Variants in LTBP1 observed in about 807,000 individuals in gnomAD.
LTBP1 encodes the protein latent-transforming growth factor beta-binding protein 1.
In LTBP1, 129 loss-of-function variants were observed where a neutral mutation model predicts 207.6. The ratio of observed to expected loss-of-function variants is 0.62; its 90% CI spans 0.54 to 0.72. The LOEUF is 0.72. Ranked by LOEUF, LTBP1 falls within the 30% of genes least tolerant of loss-of-function variation. The pLI, the probability that LTBP1 is intolerant of heterozygous loss-of-function variation, is 0.00. For missense variants in LTBP1, 2,281 were observed against 2,217.2 expected (o/e 1.03, Z -0.58); for synonymous variants, 963 against 833.7 (o/e 1.16, Z -2.67).
At chr2:33,177,726 A>G (rs143237713) in intron 5 of LTBP1, among the ~76,000 whole-genome samples, 5 of 152,198 alleles carry the variant, frequency 3.3e-5, no homozygotes, top group African/African-American at 9.7e-5. Context: ...GAATGGCTAT[A>G]TAATTTACCA....
intron 4 of LTBP1, among the ~76,000 whole-genome samples, chr2:33,123,600 C>A (rs748454653): frequency 6.6e-6 from 1 of 152,110 alleles, no homozygotes; most frequent in South Asian, 2.1e-4. Flanking sequence ...TCTTAATATA[C>A]CTTAAGAACA....
Position 33,301,413 on chromosome 2 carries a change from A to G in LTBP1, c.3359-109A>G, listed in dbSNP as rs189825908. On this transcript the variant is annotated intron_variant, in intron 21 of 33. Transcript: ENST00000404816. ...AAAGCGACAATACATGATGGTCATT[A>G]CTTGTATCAACATTGTCTTTCTAGA... 3.1e-5 allele frequency: 40 copies of G among 1,283,184 alleles called. No individual in the cohort carries two copies. The East Asian group carries it at 7.5e-4, about 24-fold the overall frequency. 79.5% of individuals were successfully genotyped at this position (1,283,184 alleles called of 1,614,324 possible). A position where few individuals can be genotyped will look rare whatever the true frequency, so the allele number is the denominator to read the frequency against.
intron 5 of LTBP1, among the ~76,000 whole-genome samples, chr2:33,159,171 C>T (rs542820336): frequency 6.6e-6 from 1 of 152,296 alleles, no homozygotes; most frequent in African/African-American, 2.4e-5. Flanking sequence ...CTACATTTTG[C>T]TTGCTTCCCT....
chr2:33,395,755 G>A (rs2095352442), intron 32 of LTBP1, among the ~76,000 whole-genome samples: 1 of 150,206 alleles, frequency 6.7e-6, no homozygotes, highest in Non-Finnish European at 1.5e-5. Flanking sequence ...TTGCTTTTTG[G>A]TGATCAAGGA....
intron 31 of LTBP1, among the ~76,000 whole-genome samples, chr2:33,388,257 C>A (rs13015373): frequency 0.24 from 36,477 of 151,986 alleles, 5,565 homozygotes; most frequent in Non-Finnish European, 0.33. Context: ...TGGGGCTGAC[C>A]CAGTGTGGAA....
intron 24 of LTBP1, among the ~76,000 whole-genome samples, chr2:33,334,239 A>G (rs2094529363): frequency 6.6e-6 from 1 of 152,240 alleles, no homozygotes; most frequent in Admixed American, 6.5e-5. Flanking sequence ...GAATGATCCA[A>G]TAGAGAGGGA....
intron 17 of LTBP1, 113 bp downstream of exon 17, chr2:33,275,203 A>G: frequency 1.6e-6 from 2 of 1,285,802 alleles, no homozygotes; most frequent in Non-Finnish European, 2.1e-6. Context: ...TTATTAAACA[A>G]TTATCATGAC....
chr2:33,267,292 C>T (rs975375968), intron 15 of LTBP1, among the ~76,000 whole-genome samples: 2 of 152,178 alleles, frequency 1.3e-5, no homozygotes, highest in African/African-American at 4.8e-5. Context: ...TCTGGGCTGG[C>T]AGCACAGGCC....
At chr2:33,056,690 C>G (rs1330161211) in intron 3 of LTBP1, among the ~76,000 whole-genome samples, 1 of 151,940 alleles carries the variant, frequency 6.6e-6, no homozygotes, top group African/African-American at 2.4e-5. Flanking sequence ...GTCTCGCTGG[C>G]TCAGGAGTGA....
At chr2:33,345,340 G>A (rs1044793289) in intron 25 of LTBP1, among the ~76,000 whole-genome samples, 1 of 152,336 alleles carries the variant, frequency 6.6e-6, no homozygotes, top group East Asian at 1.9e-4. Context: ...GCAGGAGTTG[G>A]GACTGCTGGC....
chr2:33,375,785 G>T (rs1574071289), intron 31 of LTBP1, among the ~76,000 whole-genome samples: 1 of 149,470 alleles, frequency 6.7e-6, no homozygotes, highest in Non-Finnish European at 1.5e-5. Context: ...CTCGTGATCT[G>T]CCCGCCTCGG....
intron 9 of LTBP1, among the ~76,000 whole-genome samples, chr2:33,237,766 A>T (rs1316193977): frequency 6.6e-6 from 1 of 152,188 alleles, no homozygotes; most frequent in East Asian, 1.9e-4. Flanking sequence ...ACCTTTCAAG[A>T]CAGTGTTCTT....
At chr2:33,018,733 C>T (rs955040467) in intron 2 of LTBP1, among the ~76,000 whole-genome samples, 1 of 152,202 alleles carries the variant, frequency 6.6e-6, no homozygotes, top group Non-Finnish European at 1.5e-5. Context: ...AGTGTGGGAA[C>T]AGCCTTTATT....
At chr2:33,027,758 AC>A (rs1334588008) in intron 3 of LTBP1, among the ~76,000 whole-genome samples, 1 of 151,944 alleles carries the variant, frequency 6.6e-6, no homozygotes, top group African/African-American at 2.4e-5. Flanking sequence ...AATCGCTTGA[AC>A]CCGGGAGGTG....
chr2:33,304,924 G>A (rs2094060839), intron 22 of LTBP1, among the ~76,000 whole-genome samples: 1 of 152,150 alleles, frequency 6.6e-6, no homozygotes, highest in Non-Finnish European at 1.5e-5. Flanking sequence ...TTAGTGTGGA[G>A]CTTGTGCCAG....
intron 9 of LTBP1, among the ~76,000 whole-genome samples, chr2:33,229,692 A>G (rs1285183629): frequency 1.3e-5 from 2 of 152,012 alleles, no homozygotes; most frequent in African/African-American, 4.8e-5. Flanking sequence ...GTTTTTTTGC[A>G]TTTTCCTCTG....
chr2:33,183,940 G>T (rs553328374), intron 5 of LTBP1, among the ~76,000 whole-genome samples: 1 of 152,070 alleles, frequency 6.6e-6, no homozygotes, highest in South Asian at 2.1e-4. Flanking sequence ...GAAAGTTTCT[G>T]GGTTGTCACC....
chr2:33,116,785 CAA>C (rs756030533), intron 4 of LTBP1, among the ~76,000 whole-genome samples: 5 of 132,174 alleles, frequency 3.8e-5, no homozygotes, highest in African/African-American at 8.4e-5. Context: ...CATTAAATTG[CAA>C]AAAAAAAAAA....
At chr2:33,273,629 T>C (rs772942491) in intron 15 of LTBP1, 27 bp from the exon 16 acceptor site, 2 of 1,574,552 alleles carry the variant, frequency 1.3e-6, no homozygotes, top group African/African-American at 1.4e-5. Context: ...TGTGGGTTTT[T>C]TCACATTATT....
Sources: allele counts gnomAD v4.1 joint callset (sites outside exome capture counted in the v4.1 genomes callset), GRCh38; gene constraint gnomAD v4.1.1; transcripts MANE v1.5; gene names NCBI Gene and HGNC (gene_info 2026-07-23, HGNC 2026-07-21).